SCMH1: variants seen among roughly 807,000 people sequenced by gnomAD.
SCMH1 encodes polycomb protein SCMH1.
A neutral mutation model predicts 70.8 loss-of-function variants in SCMH1; 37 were observed. That is an observed-to-expected ratio of 0.52 (90% CI 0.40 to 0.69). The LOEUF is 0.69. Among genes scored for constraint, SCMH1 ranks in the 30% least tolerant of loss-of-function variants. The pLI is 0.00. For synonymous variants in SCMH1, 292 were observed against 307.4 expected (o/e 0.95, Z 0.52); for missense variants, 607 against 827.3 (o/e 0.73, Z 3.27).
intron 8 of SCMH1, among the ~76,000 whole-genome samples, chr1:41,104,264 T>C (rs925154979): frequency 2.2e-4 from 33 of 152,248 alleles, no homozygotes; most frequent in African/African-American, 7.5e-4. Context: ...TGTGGATAGA[T>C]AGGTGAATAA....
At chr1:41,206,023 A>G (rs1655456478) in intron 1 of SCMH1, among the ~76,000 whole-genome samples, 1 of 152,204 alleles carries the variant, frequency 6.6e-6, no homozygotes, top group Non-Finnish European at 1.5e-5. Flanking sequence ...ATCCATACCA[A>G]AATCCCATCT....
chr1:41,077,204 G>A (rs1402767486), intron 8 of SCMH1, among the ~76,000 whole-genome samples: 1 of 152,152 alleles, frequency 6.6e-6, no homozygotes, highest in African/African-American at 2.4e-5. Context: ...TCCAAGGGGT[G>A]GCCTCTGAGG....
intron 2 of SCMH1, among the ~76,000 whole-genome samples, chr1:41,163,521 A>G (rs1313752529): frequency 6.6e-6 from 1 of 152,218 alleles, no homozygotes; most frequent in Non-Finnish European, 1.5e-5. Context: ...CTTCAAAGAG[A>G]TAATTAAGTT....
At chr1:41,213,893 TA>T (rs11362134) in intron 1 of SCMH1, among the ~76,000 whole-genome samples, 37,509 of 151,654 alleles carry the variant, frequency 0.25, 5,227 homozygotes, top group Non-Finnish European at 0.31. Context: ...CATTTTTTTT[TA>T]AAAAAAACCT....
intron 6 of SCMH1, among the ~76,000 whole-genome samples, chr1:41,117,419 G>A (rs1000486320): frequency 1.3e-5 from 2 of 152,118 alleles, no homozygotes; most frequent in Non-Finnish European, 1.5e-5. Flanking sequence ...GAAGACGCCC[G>A]TTGCCAAGCG....
intron 1 of SCMH1, among the ~76,000 whole-genome samples, chr1:41,236,945 G>C (rs918374543): frequency 1.2e-4 from 18 of 152,324 alleles, no homozygotes; most frequent in African/African-American, 3.6e-4. Context: ...ACGGTGGCTA[G>C]AGAGTTAACA....
At chr1:41,181,044 C>T (rs940728925) in intron 2 of SCMH1, among the ~76,000 whole-genome samples, 1 of 152,124 alleles carries the variant, frequency 6.6e-6, no homozygotes, top group African/African-American at 2.4e-5. Flanking sequence ...AATAACGCCG[C>T]ATATCTACAA....
chr1:41,220,545 T>A (rs1247105275), intron 1 of SCMH1, among the ~76,000 whole-genome samples: 1 of 152,202 alleles, frequency 6.6e-6, no homozygotes, highest in East Asian at 1.9e-4. Flanking sequence ...CTTATAGCTA[T>A]CTCTATCTCA....
At chr1:41,136,001 T>C (rs1572486158) in intron 6 of SCMH1, among the ~76,000 whole-genome samples, 1 of 151,824 alleles carries the variant, frequency 6.6e-6, no homozygotes, top group Non-Finnish European at 1.5e-5. Context: ...TGGAGTGTAG[T>C]GGTACAATCT....
chr1:41,232,295 C>T (rs1202153026), intron 1 of SCMH1, among the ~76,000 whole-genome samples: 6 of 152,144 alleles, frequency 3.9e-5, no homozygotes, highest in African/African-American at 9.7e-5. Flanking sequence ...AATATGAGCA[C>T]TGATCCTAAC....
intron 1 of SCMH1, among the ~76,000 whole-genome samples, chr1:41,211,296 T>C (rs529195582): frequency 1.3e-5 from 2 of 152,192 alleles, no homozygotes; most frequent in East Asian, 1.9e-4. Context: ...ACAGAATCTA[T>C]GAAGAACTTA....
intron 1 of SCMH1, among the ~76,000 whole-genome samples, chr1:41,239,417 G>A (rs1663048000): frequency 6.6e-6 from 1 of 152,104 alleles, no homozygotes; most frequent in Non-Finnish European, 1.5e-5. Context: ...TTAACTCCTA[G>A]GCTAGTCTAA....
chr1:41,059,434 C>G (rs912096668), intron 10 of SCMH1, among the ~76,000 whole-genome samples: 3 of 152,172 alleles, frequency 2.0e-5, no homozygotes, highest in Admixed American at 6.5e-5. Flanking sequence ...AGGAGTTTGG[C>G]TGGGGATGGT....
At chr1:41,184,730 C>G (rs1649721420) in intron 2 of SCMH1, among the ~76,000 whole-genome samples, 1 of 152,004 alleles carries the variant, frequency 6.6e-6, no homozygotes, top group Admixed American at 6.6e-5. Flanking sequence ...AGCAGAAAGG[C>G]TGAATGACCA....
chr1:41,076,013 C>A (rs1399418149), intron 8 of SCMH1, among the ~76,000 whole-genome samples: 1 of 152,158 alleles, frequency 6.6e-6, no homozygotes, highest in East Asian at 1.9e-4. Flanking sequence ...CCTTAAAAAT[C>A]TTTGCTCTTA....
chr1:41,159,434 A>G (rs1645839852), intron 4 of SCMH1, among the ~76,000 whole-genome samples: 2 of 152,192 alleles, frequency 1.3e-5, no homozygotes, highest in African/African-American at 2.4e-5. Context: ...ACTGTCTTCC[A>G]TTTGCCTGTA....
intron 10 of SCMH1, among the ~76,000 whole-genome samples, chr1:41,056,455 A>ATT (rs34991027): frequency 3.1e-4 from 45 of 147,518 alleles, no homozygotes; most frequent in East Asian, 1.2e-3. Context: ...GTATACTGTC[A>ATT]TTTTTTTTTT....
At chr1:41,032,314 T>G (rs1437957127) in intron 13 of SCMH1, among the ~76,000 whole-genome samples, 1 of 152,156 alleles carries the variant, frequency 6.6e-6, no homozygotes, top group African/African-American at 2.4e-5. Flanking sequence ...TGGTAGGAAG[T>G]TGCTAATTTA....
chr1:41,201,116 T>C (rs968541970), intron 1 of SCMH1, among the ~76,000 whole-genome samples: 7 of 152,194 alleles, frequency 4.6e-5, no homozygotes, highest in Admixed American at 1.3e-4. Context: ...ACTTGGGCCA[T>C]GAAGATGGGT....
Sources: gnomAD v4.1 joint callset for allele counts (sites outside exome capture counted in the v4.1 genomes callset) on GRCh38, gnomAD v4.1.1 for gene constraint, MANE v1.5 for transcripts, NCBI Gene and HGNC (gene_info 2026-07-23, HGNC 2026-07-21) for gene names.